Variants in CDH12 observed in about 807,000 individuals in gnomAD.
The protein encoded by CDH12 is cadherin-12.
CDH12 carries 41 observed loss-of-function variants against 74.1 expected under a neutral mutation model. The observed-to-expected ratio is 0.55, with a 90% CI of 0.43 to 0.72. The LOEUF (loss-of-function observed/expected upper bound fraction) is 0.72, where lower values mean the gene tolerates loss of function less well. CDH12 is among the 30% of genes least tolerant of loss of function. The pLI is 0.00. For missense variants in CDH12, 945 were observed against 977.2 expected (o/e 0.97, Z 0.44); for synonymous variants, 399 against 355.0 (o/e 1.12, Z -1.39).
At chr5:22,647,776 T>C (rs1412413874) in intron 1 of CDH12, among the ~76,000 whole-genome samples, 1 of 151,850 alleles carries the variant, frequency 6.6e-6, no homozygotes, top group East Asian at 1.9e-4. Context: ...CAGATATTAG[T>C]TTTTACTCTG....
chr5:22,367,262 T>C (rs1055368834), intron 3 of CDH12, among the ~76,000 whole-genome samples: 1 of 152,168 alleles, frequency 6.6e-6, no homozygotes, highest in Non-Finnish European at 1.5e-5. Flanking sequence ...TGTCCTTCCT[T>C]ACAGCAATTT....
chr5:22,171,532 G>A (rs1458615470), intron 4 of CDH12, among the ~76,000 whole-genome samples: 2 of 151,898 alleles, frequency 1.3e-5, no homozygotes, highest in Non-Finnish European at 2.9e-5. Context: ...TATATGGTTT[G>A]TTAGTTGCTC....
chr5:21,985,891 T>C (rs893716206), intron 5 of CDH12, among the ~76,000 whole-genome samples: 1 of 152,138 alleles, frequency 6.6e-6, no homozygotes, highest in African/African-American at 2.4e-5. Context: ...CTGAGTAATG[T>C]TATGCAAATT....
intron 3 of CDH12, among the ~76,000 whole-genome samples, chr5:22,369,067 T>C (rs976871377): frequency 6.6e-6 from 1 of 151,872 alleles, no homozygotes. Flanking sequence ...AGGCGGAGGT[T>C]GCAATGAGCT....
intron 6 of CDH12, among the ~76,000 whole-genome samples, chr5:21,875,716 G>T (rs1751899564): frequency 6.6e-6 from 1 of 152,124 alleles, no homozygotes; most frequent in Non-Finnish European, 1.5e-5. Flanking sequence ...TCTGTAGAAT[G>T]CTTCCTTCAG....
In CDH12 at chr5:22,245,797, G is replaced by C. The variant is rs150475115; in HGVS notation, c.-332-33154C>G. On this transcript the variant is annotated intron_variant, in intron 3 of 14. Transcript: ENST00000382254. ...TACACATATGCATTAACAAGTGCAA[G>C]TGCATATGTGTGTGGACTTTAGATA... 3.6e-3 allele frequency among the ~76,000 whole-genome samples: 555 copies of C among 152,192 alleles called. 8 individuals carry two copies. The highest frequency in any genetic ancestry group is 0.013 in the African/African-American group (524 of 41,532).
chr5:21,939,381 C>G (rs1755223742), intron 6 of CDH12, among the ~76,000 whole-genome samples: 1 of 151,528 alleles, frequency 6.6e-6, no homozygotes, highest in Non-Finnish European at 1.5e-5. Context: ...ATACAAATAG[C>G]TAATTAAAGC....
chr5:22,595,601 T>C (rs1006596311), intron 1 of CDH12, among the ~76,000 whole-genome samples: 3 of 152,184 alleles, frequency 2.0e-5, no homozygotes, highest in African/African-American at 7.2e-5. Flanking sequence ...GAATGAACCA[T>C]TTCTCTTCCA....
At chr5:21,906,745 C>G (rs1240188657) in intron 6 of CDH12, among the ~76,000 whole-genome samples, 1 of 152,202 alleles carries the variant, frequency 6.6e-6, no homozygotes, top group African/African-American at 2.4e-5. Flanking sequence ...ATGCAACATT[C>G]CTGAGCTACA....
intron 4 of CDH12, among the ~76,000 whole-genome samples, chr5:22,116,093 T>G (rs982682185): frequency 5.9e-5 from 9 of 152,136 alleles, no homozygotes; most frequent in Non-Finnish European, 1.0e-4. Flanking sequence ...CTAGTTAACT[T>G]TAAAAAAGGG....
chr5:22,039,722 G>A (rs563965130), intron 5 of CDH12, among the ~76,000 whole-genome samples: 1 of 152,172 alleles, frequency 6.6e-6, no homozygotes, highest in East Asian at 1.9e-4. Context: ...GCTGATGTTG[G>A]TCACAACTAA....
chr5:22,228,420 T>A (rs1180110047), intron 3 of CDH12, among the ~76,000 whole-genome samples: 1 of 152,170 alleles, frequency 6.6e-6, no homozygotes, highest in African/African-American at 2.4e-5. Flanking sequence ...TGCATAATTT[T>A]TTTGTAACTA....
At chr5:22,187,167 T>G (rs4307064) in intron 4 of CDH12, among the ~76,000 whole-genome samples, 1 of 152,194 alleles carries the variant, frequency 6.6e-6, no homozygotes, top group African/African-American at 2.4e-5. Context: ...CACGAGCACA[T>G]ATGAGGTCCC....
chr5:22,429,126 T>TTTATA (rs1157408894), intron 2 of CDH12, among the ~76,000 whole-genome samples: 8 of 151,360 alleles, frequency 5.3e-5, no homozygotes, highest in Non-Finnish European at 1.2e-4. Context: ...TTTATTTTAT[T>TTTATA]TTATTTTATT....
chr5:22,532,972 T>C (rs1308158413), intron 1 of CDH12, among the ~76,000 whole-genome samples: 1 of 152,066 alleles, frequency 6.6e-6, no homozygotes, highest in East Asian at 1.9e-4. Context: ...TCCAAAAGTA[T>C]ACAGGGCAAA....
chr5:22,373,515 C>A (rs1303582297), intron 3 of CDH12, among the ~76,000 whole-genome samples: 1 of 152,216 alleles, frequency 6.6e-6, no homozygotes, highest in Non-Finnish European at 1.5e-5. Context: ...ACAAAGCCAG[C>A]ATACAGTGTT....
intron 3 of CDH12, among the ~76,000 whole-genome samples, chr5:22,400,243 T>C (rs1580608681): frequency 6.6e-6 from 1 of 152,166 alleles, no homozygotes; most frequent in Non-Finnish European, 1.5e-5. Flanking sequence ...TTTTATTGTA[T>C]GCTTCTTTAA....
intron 3 of CDH12, among the ~76,000 whole-genome samples, chr5:22,368,848 A>T (rs1741146761): frequency 1.3e-5 from 2 of 152,132 alleles, no homozygotes; most frequent in African/African-American, 4.8e-5. Context: ...TTTTAAAAAC[A>T]TCTTTCGGGT....
chr5:22,725,061 C>A (rs1744092578), intron 1 of CDH12, among the ~76,000 whole-genome samples: 2 of 151,794 alleles, frequency 1.3e-5, no homozygotes, highest in African/African-American at 4.8e-5. Flanking sequence ...TATGCATCAA[C>A]TTTCATGTTT....
Sources: gnomAD v4.1 joint callset for allele counts (sites outside exome capture counted in the v4.1 genomes callset) on GRCh38, gnomAD v4.1.1 for gene constraint, MANE v1.5 for transcripts, NCBI Gene and HGNC (gene_info 2026-07-23, HGNC 2026-07-21) for gene names.